Variants in ASTN2 observed in about 807,000 individuals in gnomAD.
ASTN2 encodes the protein astrotactin 2, also known as astrotactin-2.
ASTN2 carries 54 observed loss-of-function variants against 139.8 expected under a neutral mutation model. The observed-to-expected ratio is 0.39, with a 90% CI of 0.31 to 0.48. The LOEUF (loss-of-function observed/expected upper bound fraction) is 0.48. Ranked by LOEUF, ASTN2 falls within the 20% of genes least tolerant of loss-of-function variation. The pLI is 0.95. For synonymous variants in ASTN2, 756 were observed against 719.5 expected, an observed-to-expected ratio of 1.05 and a Z score of -0.81; for missense variants, 1,565 against 1,725.1, an observed-to-expected ratio of 0.91 and a Z score of 1.64.
At chr9:116,503,319 G>C (rs550033604) in intron 19 of ASTN2, among the ~76,000 whole-genome samples, 2 of 152,054 alleles carry the variant, frequency 1.3e-5, no homozygotes, top group African/African-American at 4.8e-5. Flanking sequence ...GGGAGGAGGA[G>C]GGGGGGAGAG....
At chr9:116,923,463 A>C (rs1031241857) in intron 10 of ASTN2, among the ~76,000 whole-genome samples, 5 of 152,230 alleles carry the variant, frequency 3.3e-5, no homozygotes, top group Non-Finnish European at 7.3e-5. Flanking sequence ...TTGTCCTGGA[A>C]AAACCAGACT....
intron 1 of ASTN2, among the ~76,000 whole-genome samples, chr9:117,369,076 G>A (rs1012575296): frequency 6.6e-6 from 1 of 152,138 alleles, no homozygotes; most frequent in Non-Finnish European, 1.5e-5. Flanking sequence ...GGCCAGCCTG[G>A]ATTAACAAAT....
At position 116,951,337 on chromosome 9, in the gene ASTN2, C is replaced by CAAAAAAAAAAAAAA. The variant is rs386416039; in HGVS notation, c.1889+23857_1889+23870dup. Among the ~76,000 whole-genome samples the CAAAAAAAAAAAAAA allele has an allele frequency of 1.2e-4, 4 of 34,060 alleles. 1 individual carries two copies. Among genetic ancestry groups the CAAAAAAAAAAAAAA allele is most frequent in the African/African-American group, 1.6e-4 (1 of 6,082 alleles). 22.3% of individuals were successfully genotyped at this position (34,060 alleles called of 152,430 possible). A position where few individuals can be genotyped will look rare whatever the true frequency, so the allele number is the denominator to read the frequency against. ...GGGCAACAAGAGTGAAACTCTGTCT[C>CAAAAAAAAAAAAAA]AAAAAAAAAAAAAAAAAAAAAAAAA... On this transcript the variant is annotated intron_variant, in intron 10 of 22. Transcript: ENST00000313400.
At chr9:117,260,185 C>G (rs1213338787) in intron 2 of ASTN2, among the ~76,000 whole-genome samples, 1 of 152,158 alleles carries the variant, frequency 6.6e-6, no homozygotes, top group Non-Finnish European at 1.5e-5. Context: ...ACCCCTTTAA[C>G]AGAGCACATG....
At chr9:117,293,368 C>CA (rs1407066059) in intron 1 of ASTN2, among the ~76,000 whole-genome samples, 1 of 152,204 alleles carries the variant, frequency 6.6e-6, no homozygotes, top group African/African-American at 2.4e-5. Flanking sequence ...CATCTCACAT[C>CA]ACTAAGCCCT....
intron 11 of ASTN2, among the ~76,000 whole-genome samples, chr9:116,826,775 T>C (rs1831640434): frequency 6.6e-6 from 1 of 152,088 alleles, no homozygotes; most frequent in Admixed American, 6.5e-5. Flanking sequence ...CTTCGGGGCC[T>C]AAAACCAGGC....
intron 6 of ASTN2, among the ~76,000 whole-genome samples, chr9:117,033,486 T>G (rs1205967576): frequency 6.6e-6 from 1 of 152,148 alleles, no homozygotes; most frequent in African/African-American, 2.4e-5. Context: ...TTATAGATAA[T>G]GTAACTGAAG....
intron 6 of ASTN2, among the ~76,000 whole-genome samples, chr9:117,012,008 C>T (rs1837551033): frequency 6.6e-6 from 1 of 152,138 alleles, no homozygotes; most frequent in South Asian, 2.1e-4. Flanking sequence ...TGATTTCCTA[C>T]AGAGAAGAGG....
At chr9:117,022,448 A>G (rs1436058642) in intron 6 of ASTN2, among the ~76,000 whole-genome samples, 1 of 111,258 alleles carries the variant, frequency 9.0e-6, no homozygotes, top group Non-Finnish European at 2.2e-5. Flanking sequence ...AGGGCAAAAA[A>G]AAAAAACAAA....
chr9:117,277,535 A>G (rs1223641897), intron 2 of ASTN2, among the ~76,000 whole-genome samples: 1 of 152,334 alleles, frequency 6.6e-6, no homozygotes, highest in East Asian at 1.9e-4. Context: ...CAAAAAATTA[A>G]AAATGGAACT....
At chr9:116,917,792 T>A (rs1028195581) in intron 10 of ASTN2, among the ~76,000 whole-genome samples, 3 of 152,196 alleles carry the variant, frequency 2.0e-5, no homozygotes, top group African/African-American at 7.2e-5. Context: ...CTTCTATGGA[T>A]CTGGTACTGT....
At chr9:116,477,492 T>C (rs780730487) in intron 20 of ASTN2, among the ~76,000 whole-genome samples, 28 of 152,072 alleles carry the variant, frequency 1.8e-4, no homozygotes, top group Non-Finnish European at 3.7e-4. Context: ...TGGCCACACC[T>C]AAATTGCCAT....
At chr9:116,457,190 C>G (rs12552264) in intron 20 of ASTN2, among the ~76,000 whole-genome samples, 52,077 of 151,944 alleles carry the variant, frequency 0.34, 9,241 homozygotes, top group East Asian at 0.5. Flanking sequence ...TTACCATATG[C>G]AAAAATCAAA....
At chr9:117,180,641 T>C (rs2132944890) in intron 3 of ASTN2, 2 of 1,408,796 alleles carry the variant, frequency 1.4e-6, no homozygotes, top group East Asian at 2.5e-5. Flanking sequence ...TTTTTTTTTT[T>C]TTTGGACAGG....
At chr9:116,641,938 A>G (rs975419752) in intron 17 of ASTN2, among the ~76,000 whole-genome samples, 4 of 152,000 alleles carry the variant, frequency 2.6e-5, no homozygotes, top group African/African-American at 9.7e-5. Flanking sequence ...ATAGAAAGGA[A>G]GTGACCCACA....
intron 20 of ASTN2, among the ~76,000 whole-genome samples, chr9:116,453,335 T>A (rs918020070): frequency 1.3e-5 from 2 of 152,248 alleles, no homozygotes; most frequent in South Asian, 2.1e-4. Context: ...GGCTCACGCC[T>A]GTAATCCTAG....
intron 19 of ASTN2, among the ~76,000 whole-genome samples, chr9:116,561,050 G>A (rs979158074): frequency 2.0e-5 from 3 of 152,122 alleles, no homozygotes; most frequent in Non-Finnish European, 4.4e-5. Context: ...CTGAGAGAGG[G>A]TGTAGGGAAA....
In ASTN2 at chr9:116,425,877, T is replaced by C. The variant is rs374806776; in HGVS notation, c.3994A>G (p.Thr1332Ala). The change falls in exon 23 of 23, where the codon ACG becomes GCG. Residue 1332 changes from threonine to alanine, a missense_variant. Around this residue, in one of 4 missense-constraint regions of ASTN2, gnomAD observed 418 missense variants for 465.8 expected, o/e 0.90. Coordinates refer to ENST00000313400, the MANE Select transcript of ASTN2 (RefSeq NM_001365068.1). ...CACCGGCCCTTGGACTCCCCGTACG[T>C]GTTTCGGGCCATTGACACCATCTTC... is the stretch of plus-strand genomic sequence containing the variant. ...EEKMVSMARN[T>A]YGESKGR The C allele has an allele frequency of 2.2e-5, 35 of 1,613,870 alleles. No individual in the cohort carries two copies. Among genetic ancestry groups the C allele is most frequent in the Non-Finnish European group, 2.9e-5 (34 of 1,179,998 alleles).
Position 117,208,710 on chromosome 9 carries a change from C to CA in ASTN2, c.1015+5647dup, listed in dbSNP as rs201120947. On this transcript the variant is annotated intron_variant, in intron 3 of 22. Coordinates refer to ENST00000313400, the MANE Select transcript of ASTN2 (RefSeq NM_001365068.1). ...CAGTCAAGTTGTTGAAAGTCAATGA[C>CA]AAAAAAAATAAATAAACAAAATCAG... is the stretch of plus-strand genomic sequence containing the variant. Among the ~76,000 whole-genome samples the CA allele has an allele frequency of 8.1e-3, 1,225 of 150,954 alleles. 6 individuals carry two copies. Among genetic ancestry groups the CA allele is most frequent in the Non-Finnish European group, 0.012 (843 of 67,658 alleles).
Sources: allele counts gnomAD v4.1 joint callset (sites outside exome capture counted in the v4.1 genomes callset), GRCh38; gene constraint gnomAD v4.1.1; regional missense constraint gnomAD v4.1.1; transcripts MANE v1.5; gene names NCBI Gene and HGNC (gene_info 2026-07-23, HGNC 2026-07-21).